Variants in EPHB1 observed in about 807,000 individuals in gnomAD.
EPHB1 encodes EPH receptor B1.
A neutral mutation model predicts 94.4 loss-of-function variants in EPHB1; 30 were observed. That is an observed-to-expected ratio of 0.32 (90% CI 0.24 to 0.43). EPHB1 has a LOEUF of 0.43. Ranked by LOEUF, EPHB1 falls within the 20% of genes least tolerant of loss-of-function variation. The pLI is 1.00. For missense variants in EPHB1, 1,055 were observed against 1,308.3 expected (o/e 0.81, Z 2.99); for synonymous variants, 522 against 489.1 (o/e 1.07, Z -0.89).
chr3:134,801,113 G>A (rs1278917184), intron 1 of EPHB1, among the ~76,000 whole-genome samples: 2 of 152,172 alleles, frequency 1.3e-5, no homozygotes, highest in Admixed American at 6.5e-5. Context: ...TGGGAGCTTA[G>A]GTTTACATGG....
At chr3:135,238,111 C>T (rs913633613) in intron 12 of EPHB1, among the ~76,000 whole-genome samples, 3 of 152,100 alleles carry the variant, frequency 2.0e-5, no homozygotes, top group African/African-American at 7.2e-5. Flanking sequence ...CCATGATTAC[C>T]TCTGAGCACC....
At chr3:135,058,709 G>C (rs998635245) in intron 3 of EPHB1, among the ~76,000 whole-genome samples, 4 of 152,212 alleles carry the variant, frequency 2.6e-5, no homozygotes, top group Non-Finnish European at 5.9e-5. Context: ...CTGCAGTACA[G>C]CTGGGGCCCA....
chr3:134,940,382 T>C (rs1377823936), intron 2 of EPHB1, among the ~76,000 whole-genome samples: 6 of 152,222 alleles, frequency 3.9e-5, no homozygotes, highest in Admixed American at 1.3e-4. Flanking sequence ...AAATAGTATT[T>C]TGCGAGTGAG....
chr3:134,943,623 G>A (rs1305607022), intron 2 of EPHB1, among the ~76,000 whole-genome samples: 2 of 152,138 alleles, frequency 1.3e-5, no homozygotes, highest in Non-Finnish European at 2.9e-5. Flanking sequence ...AGATTCTGAT[G>A]CTGACTTTGG....
At chr3:135,009,148 G>A (rs1201455172) in intron 3 of EPHB1, among the ~76,000 whole-genome samples, 1 of 152,140 alleles carries the variant, frequency 6.6e-6, no homozygotes, top group East Asian at 1.9e-4. Flanking sequence ...AACCCTGGCT[G>A]CAATGAAAGC....
intron 5 of EPHB1, among the ~76,000 whole-genome samples, chr3:135,136,422 G>A (rs1940620951): frequency 6.6e-6 from 1 of 152,146 alleles, no homozygotes; most frequent in African/African-American, 2.4e-5. Flanking sequence ...CAAAGGCAGT[G>A]GCAGAGAACT....
At chr3:135,253,968 TG>T (rs1210470157) in intron 15 of EPHB1, among the ~76,000 whole-genome samples, 1 of 140,854 alleles carries the variant, frequency 7.1e-6, no homozygotes, top group Non-Finnish European at 1.6e-5. Flanking sequence ...TTATTCTCTT[TG>T]AAGCAATTGT....
At chr3:134,918,751 C>T (rs1343231451) in intron 1 of EPHB1, among the ~76,000 whole-genome samples, 2 of 152,202 alleles carry the variant, frequency 1.3e-5, no homozygotes, top group Non-Finnish European at 2.9e-5. Context: ...TGCACCTCTT[C>T]TGGGCTGGTT....
chr3:135,204,608 C>T (rs1190827293), intron 12 of EPHB1, among the ~76,000 whole-genome samples: 2 of 152,004 alleles, frequency 1.3e-5, no homozygotes, highest in Non-Finnish European at 2.9e-5. Context: ...TCAAGCGATC[C>T]TCCTGCCTCA....
intron 4 of EPHB1, among the ~76,000 whole-genome samples, chr3:135,112,854 G>A (rs531044322): frequency 3.9e-5 from 6 of 152,020 alleles, no homozygotes; most frequent in Non-Finnish European, 5.9e-5. Flanking sequence ...TTCAAAAGTC[G>A]ACCTTTTGAC....
chr3:135,013,098 A>C (rs955395066), intron 3 of EPHB1, among the ~76,000 whole-genome samples: 3 of 152,104 alleles, frequency 2.0e-5, no homozygotes, highest in Non-Finnish European at 4.4e-5. Flanking sequence ...CCACCTTTAC[A>C]CTACTTACGA....
At chr3:134,874,647 C>G (rs1360834342) in intron 1 of EPHB1, among the ~76,000 whole-genome samples, 1 of 152,234 alleles carries the variant, frequency 6.6e-6, no homozygotes, top group Non-Finnish European at 1.5e-5. Flanking sequence ...CTGGAGGCAG[C>G]AGGCTGGCCT....
chr3:134,826,100 A>C (rs1338835187), intron 1 of EPHB1, among the ~76,000 whole-genome samples: 1 of 151,432 alleles, frequency 6.6e-6, no homozygotes, highest in Non-Finnish European at 1.5e-5. Context: ...AAAAAAAAAA[A>C]AATCAGCCGA....
chr3:135,112,839 C>T (rs547841854), intron 4 of EPHB1, among the ~76,000 whole-genome samples: 248 of 152,124 alleles, frequency 1.6e-3, no homozygotes, highest in African/African-American at 5.5e-3. Flanking sequence ...GAATTTTAAA[C>T]AGTTTTCAAA....
intron 3 of EPHB1, among the ~76,000 whole-genome samples, chr3:135,072,972 T>C (rs1050035219): frequency 2.0e-5 from 3 of 152,218 alleles, no homozygotes; most frequent in African/African-American, 4.8e-5. Flanking sequence ...CATGAGTTCA[T>C]AGATTTAAAC....
chr3:135,201,203 G>A (rs193128297), intron 11 of EPHB1, among the ~76,000 whole-genome samples: 181 of 152,120 alleles, frequency 1.2e-3, no homozygotes, highest in Non-Finnish European at 1.9e-3. Context: ...GGATGATGGC[G>A]ACTTGGTTGG....
Position 134,915,091 on chromosome 3 carries a change from C to G in EPHB1, c.59-10725C>G, listed in dbSNP as rs531861099. Among the ~76,000 whole-genome samples the G allele has an allele frequency of 3.9e-5, 6 of 152,304 alleles. No homozygotes were observed. The South Asian group carries it at 1.2e-3, about 32-fold the overall frequency. On this transcript the variant is annotated intron_variant, in intron 1 of 15. Transcript: ENST00000398015. ...GTCTGTGTCCCCCAAGCTCCCAGCA[C>G]AGGCCCTAGTATTTGCTGGAGGAAA...
At chr3:135,127,032 G>C (rs1032335150) in intron 4 of EPHB1, among the ~76,000 whole-genome samples, 1 of 152,178 alleles carries the variant, frequency 6.6e-6, no homozygotes, top group South Asian at 2.1e-4. Context: ...CTGTGGACCA[G>C]CTACAGTTAA....
At chr3:135,249,093 A>G (rs1248726259) in intron 14 of EPHB1, among the ~76,000 whole-genome samples, 2 of 152,198 alleles carry the variant, frequency 1.3e-5, no homozygotes, top group Admixed American at 1.3e-4. Flanking sequence ...ACGCTATGTC[A>G]ACCTGTCTGT....
Sources: gnomAD v4.1 joint callset for allele counts (sites outside exome capture counted in the v4.1 genomes callset) on GRCh38, gnomAD v4.1.1 for gene constraint, MANE v1.5 for transcripts, NCBI Gene and HGNC (gene_info 2026-07-23, HGNC 2026-07-21) for gene names.